DGKB: variants seen among roughly 807,000 people sequenced by gnomAD.
DGKB encodes diacylglycerol kinase beta, also known as 90 kDa diacylglycerol kinase.
DGKB carries 67 observed loss-of-function variants against 114.3 expected under a neutral mutation model. The observed-to-expected ratio is 0.59, with a 90% CI of 0.48 to 0.72. The LOEUF is 0.72. Among genes scored for constraint, DGKB ranks in the 30% least tolerant of loss-of-function variants. The pLI, the probability that DGKB is intolerant of heterozygous loss-of-function variation, is 0.00. For synonymous variants in DGKB, 398 were observed against 323.1 expected, an observed-to-expected ratio of 1.23 and a Z score of -2.49; for missense variants, 907 against 975.2, an observed-to-expected ratio of 0.93 and a Z score of 0.93.
chr7:14,574,179 G>A (rs1329117835), intron 20 of DGKB, 33 bp downstream of exon 20: 1 of 1,584,996 alleles, frequency 6.3e-7, no homozygotes, highest in Non-Finnish European at 8.6e-7. Flanking sequence ...ATACAGTACA[G>A]GTACAAAGGT....
intron 1 of DGKB, among the ~76,000 whole-genome samples, chr7:14,864,751 A>G (rs1243126561): frequency 6.6e-6 from 1 of 151,912 alleles, no homozygotes; most frequent in Non-Finnish European, 1.5e-5. Flanking sequence ...GCCATGTAAT[A>G]GGACTGAGCA....
chr7:14,260,931 A>T (rs1796685906), intron 23 of DGKB, among the ~76,000 whole-genome samples: 1 of 152,184 alleles, frequency 6.6e-6, no homozygotes, highest in Admixed American at 6.5e-5. Context: ...CATTTAACGA[A>T]ATCAAAGAGT....
At chr7:14,511,153 C>A (rs934012177) in intron 20 of DGKB, among the ~76,000 whole-genome samples, 2 of 152,310 alleles carry the variant, frequency 1.3e-5, no homozygotes, top group Non-Finnish European at 2.9e-5. Flanking sequence ...TCCTTTGAAG[C>A]TTTGAAGCCA....
intron 23 of DGKB, among the ~76,000 whole-genome samples, chr7:14,213,752 A>G (rs1008574581): frequency 6.6e-6 from 1 of 152,132 alleles, no homozygotes; most frequent in African/African-American, 2.4e-5. Flanking sequence ...CTGGCCCAGG[A>G]TTCTCATGCC....
At chr7:14,810,805 C>T (rs1011821067) in intron 2 of DGKB, among the ~76,000 whole-genome samples, 3 of 152,076 alleles carry the variant, frequency 2.0e-5, no homozygotes, top group East Asian at 1.9e-4. Context: ...GATGCTGTTT[C>T]GCCATGTTGG....
chr7:14,336,303 G>A (rs888709641), intron 23 of DGKB, among the ~76,000 whole-genome samples: 3 of 151,938 alleles, frequency 2.0e-5, no homozygotes, highest in African/African-American at 7.3e-5. Flanking sequence ...ATATATAACA[G>A]GTTTTTAAAA....
At chr7:14,337,012 G>A (rs572788562) in intron 23 of DGKB, among the ~76,000 whole-genome samples, 57 of 152,192 alleles carry the variant, frequency 3.7e-4, no homozygotes, top group Admixed American at 3.1e-3. Context: ...ATATTTTTAA[G>A]GAAGGAAGCA....
At chr7:14,907,024 T>C (rs1783746348), upstream of DGKB, among the ~76,000 whole-genome samples, 1 of 152,232 alleles carries the variant, frequency 6.6e-6, no homozygotes, top group South Asian at 2.1e-4. Flanking sequence ...ACTTTGGCTT[T>C]AATCATGAGA....
intron 23 of DGKB, among the ~76,000 whole-genome samples, chr7:14,294,593 A>G (rs1018217737): frequency 6.6e-6 from 1 of 152,232 alleles, no homozygotes; most frequent in African/African-American, 2.4e-5. Flanking sequence ...GCTAAAGTTT[A>G]TAGGGCTAAT....
intron 6 of DGKB, among the ~76,000 whole-genome samples, chr7:14,703,288 G>A (rs1235675590): frequency 1.3e-5 from 2 of 152,152 alleles, no homozygotes; most frequent in African/African-American, 2.4e-5. Context: ...TGGAGTAAAT[G>A]ACTGCAAAAT....
intron 23 of DGKB, among the ~76,000 whole-genome samples, chr7:14,281,710 C>T (rs1799989214): frequency 6.6e-6 from 1 of 152,046 alleles, no homozygotes; most frequent in African/African-American, 2.4e-5. Flanking sequence ...AAGAATCTCA[C>T]TCAAAACCGC....
chr7:14,528,514 A>C (rs1702518656), intron 20 of DGKB, among the ~76,000 whole-genome samples: 1 of 152,084 alleles, frequency 6.6e-6, no homozygotes, highest in African/African-American at 2.4e-5. Flanking sequence ...TAAAAATTGC[A>C]AGTAACATGG....
intron 23 of DGKB, among the ~76,000 whole-genome samples, chr7:14,180,841 T>G (rs933736586): frequency 1.3e-5 from 2 of 152,142 alleles, no homozygotes; most frequent in Admixed American, 6.5e-5. Flanking sequence ...AACATCAGAC[T>G]TCCTCACCTC....
chr7:14,703,962 C>G (rs1274855383), intron 6 of DGKB, among the ~76,000 whole-genome samples: 1 of 152,110 alleles, frequency 6.6e-6, no homozygotes, highest in African/African-American at 2.4e-5. Flanking sequence ...TATTTAACAC[C>G]TTATTAAAGT....
At chr7:14,214,062 G>A (rs1788570682) in intron 23 of DGKB, among the ~76,000 whole-genome samples, 1 of 151,708 alleles carries the variant, frequency 6.6e-6, no homozygotes, top group Admixed American at 6.6e-5. Context: ...CATCTCTGAT[G>A]CCACCATCCT....
At chr7:14,464,054 T>C (rs1036852261) in intron 21 of DGKB, among the ~76,000 whole-genome samples, 2 of 151,896 alleles carry the variant, frequency 1.3e-5, no homozygotes, top group African/African-American at 4.8e-5. Context: ...CCTAGTAAGA[T>C]GTATAGATCT....
chr7:14,235,896 T>C (rs1252182889), intron 23 of DGKB, among the ~76,000 whole-genome samples: 2 of 152,010 alleles, frequency 1.3e-5, no homozygotes, highest in African/African-American at 2.4e-5. Context: ...ACCTTTCTGG[T>C]ATGCTTACCT....
In DGKB at chr7:14,149,286, A is replaced by G. The variant is rs750020629; in HGVS notation, c.2305-48T>C. The G allele has an allele frequency of 9.3e-6, 13 of 1,395,258 alleles. 1 individual carries two copies. Among genetic ancestry groups the G allele is most frequent in the African/African-American group, 4.3e-5 (3 of 69,962 alleles). The allele number at this position is 1,395,258 out of a possible 1,614,324, so 86.4% of individuals were successfully genotyped here. On this transcript the variant is annotated intron_variant, in intron 25 of 25. Coordinates refer to ENST00000402815, the MANE Select transcript of DGKB (RefSeq NM_001350709.2). ...AGAGAGAAAGAATAGAGTAATCTCC[A>G]GATAGATACAATACCAATTTGTGAG...
intron 1 of DGKB, among the ~76,000 whole-genome samples, chr7:14,941,292 G>C (rs1406523225): frequency 6.6e-6 from 1 of 152,062 alleles, no homozygotes; most frequent in Non-Finnish European, 1.5e-5. Context: ...ATCTGAGGTT[G>C]TGTGGAGTCT....
Sources: allele counts gnomAD v4.1 joint callset (sites outside exome capture counted in the v4.1 genomes callset), GRCh38; gene constraint gnomAD v4.1.1; transcripts MANE v1.5; gene names NCBI Gene and HGNC (gene_info 2026-07-23, HGNC 2026-07-21).